Variants in ERC2 observed in about 807,000 individuals in gnomAD.
ERC2 encodes the protein ERC protein 2.
A neutral mutation model predicts 114.8 loss-of-function variants in ERC2; 42 were observed. The ratio of observed to expected loss-of-function variants is 0.37; its 90% CI spans 0.29 to 0.47. The LOEUF (loss-of-function observed/expected upper bound fraction) is 0.47, where lower values mean the gene tolerates loss of function less well. Among genes scored for constraint, ERC2 ranks in the 20% least tolerant of loss-of-function variants. The pLI is 0.99. For missense variants in ERC2, 939 were observed against 1,150.7 expected (o/e 0.82, Z 2.66); for synonymous variants, 454 against 425.5 (o/e 1.07, Z -0.82).
chr3:56,307,564 G>A (rs11715860), intron 2 of ERC2, among the ~76,000 whole-genome samples: 33,478 of 152,082 alleles, frequency 0.22, 4,304 homozygotes, highest in Non-Finnish European at 0.28. Context: ...CAAGAAAAGC[G>A]AGTCCTCAAC....
At chr3:55,764,784 A>T (rs1031070371) in intron 14 of ERC2, among the ~76,000 whole-genome samples, 3 of 152,188 alleles carry the variant, frequency 2.0e-5, no homozygotes, top group Non-Finnish European at 2.9e-5. Flanking sequence ...GGAAATCTAG[A>T]GGCTAAATAT....
At chr3:56,307,466 C>A (rs143939387) in intron 2 of ERC2, among the ~76,000 whole-genome samples, 127 of 152,274 alleles carry the variant, frequency 8.3e-4, no homozygotes, top group Middle Eastern at 3.4e-3. Flanking sequence ...ATAGTTTGGT[C>A]ATCTGTAAAG....
At chr3:55,856,559 C>T (rs1253865520) in intron 14 of ERC2, among the ~76,000 whole-genome samples, 2 of 152,122 alleles carry the variant, frequency 1.3e-5, no homozygotes, top group African/African-American at 4.8e-5. Flanking sequence ...TAAAGACACA[C>T]ATGTATATGT....
intron 17 of ERC2, among the ~76,000 whole-genome samples, chr3:55,682,469 C>A (rs2062104568): frequency 6.6e-6 from 1 of 152,158 alleles, no homozygotes; most frequent in African/African-American, 2.4e-5. Flanking sequence ...ATCCTGTGAA[C>A]TGCCCCCTCA....
intron 12 of ERC2, among the ~76,000 whole-genome samples, chr3:55,984,523 T>C (rs535364132): frequency 1.3e-5 from 2 of 152,222 alleles, no homozygotes; most frequent in South Asian, 4.2e-4. Context: ...CTTCATTAAA[T>C]GAGTGAATCA....
intron 17 of ERC2, among the ~76,000 whole-genome samples, chr3:55,568,767 C>T (rs561587319): frequency 6.6e-6 from 1 of 152,284 alleles, no homozygotes; most frequent in East Asian, 1.9e-4. Context: ...ACATCTGCCA[C>T]CATCTTCTGG....
chr3:55,728,649 C>G (rs1032082351), intron 15 of ERC2, among the ~76,000 whole-genome samples: 1 of 152,134 alleles, frequency 6.6e-6, no homozygotes, highest in South Asian at 2.1e-4. Flanking sequence ...TATGTTTCTG[C>G]CCACTGAAGT....
chr3:55,589,207 G>A (rs1402467913), intron 17 of ERC2, among the ~76,000 whole-genome samples: 1 of 104,778 alleles, frequency 9.5e-6, no homozygotes, highest in East Asian at 2.5e-4. Flanking sequence ...GTGAAACCCA[G>A]TCACTACCAA....
chr3:55,796,356 G>A (rs965439144), intron 14 of ERC2, among the ~76,000 whole-genome samples: 9 of 152,204 alleles, frequency 5.9e-5, no homozygotes, highest in Non-Finnish European at 1.2e-4. Flanking sequence ...AAAAAGACTT[G>A]ATCCAGAGTT....
chr3:55,879,157 A>G (rs2063007735), intron 14 of ERC2, among the ~76,000 whole-genome samples: 1 of 143,086 alleles, frequency 7.0e-6, no homozygotes, highest in African/African-American at 2.6e-5. Flanking sequence ...GAAGGAACGA[A>G]AAAGAGCCCA....
intron 14 of ERC2, among the ~76,000 whole-genome samples, chr3:55,871,977 GATGAA>G (rs2149284430): frequency 6.6e-6 from 1 of 152,268 alleles, no homozygotes; most frequent in East Asian, 1.9e-4. Flanking sequence ...AATATTTACA[GATGAA>G]ATGACATAAT....
intron 2 of ERC2, among the ~76,000 whole-genome samples, chr3:56,305,994 C>T (rs2056202816): frequency 6.6e-6 from 1 of 152,046 alleles, no homozygotes; most frequent in Admixed American, 6.6e-5. Flanking sequence ...GGACTACAGG[C>T]ATGCACCACC....
chr3:55,809,720 G>C (rs1190828284), intron 14 of ERC2, among the ~76,000 whole-genome samples: 1 of 152,152 alleles, frequency 6.6e-6, no homozygotes, highest in Admixed American at 6.6e-5. Context: ...TCCCCACTGG[G>C]CTTCCCTACA....
intron 14 of ERC2, among the ~76,000 whole-genome samples, chr3:55,754,319 A>G (rs1323678239): frequency 1.3e-5 from 2 of 151,954 alleles, no homozygotes; most frequent in Non-Finnish European, 2.9e-5. Context: ...GCTTAAGCAG[A>G]TGTAAATTGG....
At chr3:56,333,316 TAAAG>T (rs1402770969) in intron 2 of ERC2, among the ~76,000 whole-genome samples, 1 of 152,250 alleles carries the variant, frequency 6.6e-6, no homozygotes, top group Non-Finnish European at 1.5e-5. Flanking sequence ...GAAAGGCAGA[TAAAG>T]ATTTAGGTGC....
intron 14 of ERC2, among the ~76,000 whole-genome samples, chr3:55,822,893 G>C (rs962507908): frequency 3.3e-5 from 5 of 152,166 alleles, no homozygotes; most frequent in Non-Finnish European, 5.9e-5. Context: ...GATTACAGGC[G>C]TGAGCCGCCG....
At chr3:56,229,862 C>CTTTTTTTTTTTTTTTTTTTTTTT (rs34357962) in intron 3 of ERC2, among the ~76,000 whole-genome samples, 1 of 56,628 alleles carries the variant, frequency 1.8e-5, no homozygotes, top group Non-Finnish European at 3.2e-5. Flanking sequence ...AATATCTAGT[C>CTTTTTTTTTTTTTTTTTTTTTTT]TTTTTTTTTT....
At chr3:56,381,982 C>T (rs1303227670) in intron 2 of ERC2, among the ~76,000 whole-genome samples, 1 of 152,126 alleles carries the variant, frequency 6.6e-6, no homozygotes, top group Non-Finnish European at 1.5e-5. Context: ...CCTTTCCACC[C>T]TTGTTGGCAA....
chr3:56,463,684 A>T (rs1376856653), intron 1 of ERC2, among the ~76,000 whole-genome samples: 2 of 152,176 alleles, frequency 1.3e-5, no homozygotes, highest in African/African-American at 4.8e-5. Context: ...TGTTGTTGTA[A>T]TTCACCTTTC....
Sources: gnomAD v4.1 joint callset for allele counts (sites outside exome capture counted in the v4.1 genomes callset) on GRCh38, gnomAD v4.1.1 for gene constraint, MANE v1.5 for transcripts, NCBI Gene and HGNC (gene_info 2026-07-23, HGNC 2026-07-21) for gene names.